Variants in TTC29 observed in about 807,000 individuals in gnomAD.
TTC29 encodes tetratricopeptide repeat protein 29.
Under a neutral mutation model 58.1 loss-of-function variants are expected in TTC29, and 49 were observed. That is an observed-to-expected ratio of 0.84 (90% confidence interval 0.67 to 1.07). The LOEUF is 1.07. TTC29 is among the 50% of genes least tolerant of loss of function. The probability of loss-of-function intolerance (pLI) is 0.00; values close to 1 mark genes in which losing one functional copy is unlikely to be tolerated. For missense variants in TTC29, 582 were observed against 555.6 expected, an observed-to-expected ratio of 1.05 and a Z score of -0.48; for synonymous variants, 209 against 196.8, an observed-to-expected ratio of 1.06 and a Z score of -0.52.
At chr4:146,719,581 C>T (rs1277978344) in intron 11 of TTC29, among the ~76,000 whole-genome samples, 1 of 152,100 alleles carries the variant, frequency 6.6e-6, no homozygotes, top group Non-Finnish European at 1.5e-5. Flanking sequence ...TGCAGCAAAC[C>T]TATTTAGTTC....
intron 11 of TTC29, among the ~76,000 whole-genome samples, chr4:146,782,191 C>T (rs1748666929): frequency 6.6e-6 from 1 of 151,754 alleles, no homozygotes; most frequent in South Asian, 2.1e-4. Context: ...TAAACTTCTA[C>T]TCATTGTAGT....
intron 8 of TTC29, among the ~76,000 whole-genome samples, chr4:146,854,301 C>A (rs1027404747): frequency 6.6e-6 from 1 of 152,102 alleles, no homozygotes; most frequent in Non-Finnish European, 1.5e-5. Flanking sequence ...CCTATTGCTG[C>A]CCATGCTTTT....
intron 10 of TTC29, among the ~76,000 whole-genome samples, chr4:146,806,070 G>A (rs1373159738): frequency 6.6e-6 from 1 of 152,076 alleles, no homozygotes; most frequent in Non-Finnish European, 1.5e-5. Context: ...AGAGAGTGGG[G>A]GCCAATATTC....
At chr4:146,852,195 T>G (rs1729557017) in intron 8 of TTC29, among the ~76,000 whole-genome samples, 2 of 152,210 alleles carry the variant, frequency 1.3e-5, no homozygotes, top group Admixed American at 6.5e-5. Context: ...CGATTTCTTT[T>G]TTAAGCTTCA....
intron 11 of TTC29, among the ~76,000 whole-genome samples, chr4:146,776,391 C>G (rs1748093042): frequency 6.6e-6 from 1 of 151,186 alleles, no homozygotes; most frequent in Non-Finnish European, 1.5e-5. Flanking sequence ...TCTGTCTCAT[C>G]TGTGTGGGCT....
intron 10 of TTC29, among the ~76,000 whole-genome samples, chr4:146,806,709 C>T (rs892843744): frequency 1.3e-5 from 2 of 151,872 alleles, no homozygotes; most frequent in Non-Finnish European, 2.9e-5. Flanking sequence ...ACATATGCAC[C>T]CCATACAGGA....
intron 9 of TTC29, among the ~76,000 whole-genome samples, chr4:146,822,518 C>G (rs182860526): frequency 5.6e-4 from 86 of 152,270 alleles, no homozygotes; most frequent in African/African-American, 2.0e-3. Context: ...CATGTCTTTG[C>G]TATTGTAAAT....
chr4:146,856,996 T>C (rs953506353), intron 8 of TTC29, among the ~76,000 whole-genome samples: 2 of 152,010 alleles, frequency 1.3e-5, no homozygotes, highest in South Asian at 2.1e-4. Context: ...CCTAAAATGC[T>C]GTTTTCCAAG....
intron 6 of TTC29, among the ~76,000 whole-genome samples, chr4:146,903,032 T>C (rs567162766): frequency 1.3e-5 from 2 of 152,296 alleles, no homozygotes; most frequent in African/African-American, 4.8e-5. Flanking sequence ...TCAGCCACTA[T>C]ATATTATCTA....
intron 11 of TTC29, among the ~76,000 whole-genome samples, chr4:146,757,495 T>C (rs1178409012): frequency 2.0e-5 from 3 of 152,156 alleles, no homozygotes; most frequent in African/African-American, 7.2e-5. Context: ...CAAAAGAATC[T>C]TTGCCTAGGC....
intron 6 of TTC29, among the ~76,000 whole-genome samples, chr4:146,881,587 T>C (rs1008708799): frequency 2.0e-5 from 3 of 152,110 alleles, no homozygotes; most frequent in Non-Finnish European, 4.4e-5. Context: ...ATTGCCCCTT[T>C]GCAAAAACAA....
At position 146,942,399 on chromosome 4, in the gene TTC29, T is replaced by C. The variant is rs578123141; in HGVS notation, c.-6-2498A>G. Among the ~76,000 whole-genome samples the C allele has an allele frequency of 1.6e-4, 24 of 152,304 alleles. No homozygotes were observed. In the South Asian group the frequency reaches 5.0e-3, roughly 32 times the overall value. On this transcript the variant is annotated intron_variant, in intron 2 of 12. Transcript: ENST00000325106. ...TACCCTTTATAACTTCATAACGTAATGACAATTTTTTTAATTTAAAAAATC... is the reference window on the plus strand; with the variant it reads ...TACCCTTTATAACTTCATAACGTAACGACAATTTTTTTAATTTAAAAAATC...
intron 11 of TTC29, among the ~76,000 whole-genome samples, chr4:146,780,368 ACTCT>A (rs944036501): frequency 6.6e-5 from 9 of 135,706 alleles, no homozygotes; most frequent in African/African-American, 2.5e-4. Context: ...AAGAATTTTC[ACTCT>A]CTCCATTGTA....
Position 146,709,678 on chromosome 4 carries a change from G to A in TTC29, c.1331-2127C>T, listed in dbSNP as rs1742341087. 2.0e-5 allele frequency among the ~76,000 whole-genome samples: 3 copies of A among 152,082 alleles called. No homozygotes were observed. The South Asian group carries it at 6.2e-4, about 32-fold the overall frequency. Reference sequence around the variant, plus strand: ...CTTACACTTCCAGGCCATTCTATGAGACATTCCTAGTCCACTCATTCTTCC... The same window carrying A: ...CTTACACTTCCAGGCCATTCTATGAAACATTCCTAGTCCACTCATTCTTCC... On this transcript the variant is annotated intron_variant, in intron 11 of 12. Coordinates refer to ENST00000325106, the MANE Select transcript of TTC29 (RefSeq NM_031956.4).
chr4:146,711,369 A>G (rs1742479988), intron 11 of TTC29, among the ~76,000 whole-genome samples: 1 of 152,190 alleles, frequency 6.6e-6, no homozygotes, highest in South Asian at 2.1e-4. Context: ...TGCAGTTCAA[A>G]GCTAAAGGGA....
intron 3 of TTC29, among the ~76,000 whole-genome samples, chr4:146,939,125 A>G (rs1736121210): frequency 1.3e-5 from 2 of 152,240 alleles, no homozygotes; most frequent in South Asian, 4.1e-4. Context: ...CTTCCAAAAC[A>G]GAAGTCAGCC....
intron 9 of TTC29, among the ~76,000 whole-genome samples, chr4:146,825,854 T>G (rs1027695617): frequency 3.3e-5 from 5 of 152,192 alleles, no homozygotes; most frequent in African/African-American, 1.2e-4. Flanking sequence ...TACCATTATG[T>G]AATGCTCTTC....
At chr4:146,940,020 C>T in intron 2 of TTC29, 119 bp from the exon 3 acceptor site, 1 of 897,414 alleles carries the variant, frequency 1.1e-6, no homozygotes, top group Non-Finnish European at 1.6e-6. Flanking sequence ...ATGTGTAGTG[C>T]TACAGCTGTG....
chr4:146,728,774 CATATATATGTGTATAT>C (rs1561066079), intron 11 of TTC29, among the ~76,000 whole-genome samples: 1 of 124,050 alleles, frequency 8.1e-6, no homozygotes, highest in Admixed American at 8.5e-5. Context: ...TATATATACA[CATATATATGTGTATAT>C]ATACGTATAT....
Sources: allele counts gnomAD v4.1 joint callset (sites outside exome capture counted in the v4.1 genomes callset), GRCh38; gene constraint gnomAD v4.1.1; transcripts MANE v1.5; gene names NCBI Gene and HGNC (gene_info 2026-07-23, HGNC 2026-07-21).